The following SYT1 variants were observed in gnomAD, a reference collection of about 807,000 sequenced individuals.
SYT1 encodes synaptotagmin-1.
In SYT1, 8 loss-of-function variants were observed where a neutral mutation model predicts 44.8. The observed-to-expected ratio is 0.18, with a 90% CI of 0.10 to 0.32. The LOEUF (loss-of-function observed/expected upper bound fraction) is 0.32. Ranked by LOEUF, SYT1 falls within the 10% of genes least tolerant of loss-of-function variation. The pLI, the probability that SYT1 is intolerant of heterozygous loss-of-function variation, is 1.00. For missense variants in SYT1, 286 were observed against 509.3 expected, an observed-to-expected ratio of 0.56 and a Z score of 4.22; for synonymous variants, 154 against 188.8, an observed-to-expected ratio of 0.82 and a Z score of 1.51.
At chr12:79,223,797 G>A (rs1201646894) in intron 4 of SYT1, among the ~76,000 whole-genome samples, 1 of 152,208 alleles carries the variant, frequency 6.6e-6, no homozygotes, top group Admixed American at 6.5e-5. Flanking sequence ...TCAGTCACCA[G>A]TATAGGTCTT....
intron 3 of SYT1, among the ~76,000 whole-genome samples, chr12:79,063,154 T>G (rs1456534911): frequency 6.6e-6 from 1 of 152,218 alleles, no homozygotes; most frequent in Non-Finnish European, 1.5e-5. Context: ...GAGACCATCT[T>G]GAGGCTTTAG....
At chr12:78,905,646 T>C (rs950490556) in intron 1 of SYT1, among the ~76,000 whole-genome samples, 3 of 152,144 alleles carry the variant, frequency 2.0e-5, no homozygotes, top group Admixed American at 6.6e-5. Flanking sequence ...ATTTTGATTT[T>C]CTTACTGTTG....
rs182103443 is a variant in SYT1, at chr12:79,360,916, T to C, written c.928+7297T>C. Among the ~76,000 whole-genome samples the C allele has an allele frequency of 9.7e-4, 147 of 152,322 alleles. 2 individuals carry two copies. Among genetic ancestry groups the C allele is most frequent in the Admixed American group, 3.9e-3 (59 of 15,298 alleles). ...GTACAAGTTGGGACCCAGGCACAGT[T>C]ATCCACAGAATGGATAGAAATGCTC... is the stretch of plus-strand genomic sequence containing the variant. On this transcript the variant is annotated intron_variant, in intron 9 of 10. Transcript: ENST00000261205.
intron 9 of SYT1, chr12:79,392,212 A>G (rs1381043604): frequency 6.6e-6 from 1 of 152,226 alleles, no homozygotes; most frequent in Non-Finnish European, 1.5e-5. Context: ...ATGGCAATAT[A>G]CTTTGGGCAA....
intron 9 of SYT1, among the ~76,000 whole-genome samples, chr12:79,402,322 T>C (rs952722037): frequency 6.6e-6 from 1 of 152,178 alleles, no homozygotes; most frequent in East Asian, 1.9e-4. Context: ...TGTAAACTTG[T>C]GCAATTTCCC....
chr12:79,409,685 T>C (rs1053564886), intron 9 of SYT1, among the ~76,000 whole-genome samples: 2 of 152,128 alleles, frequency 1.3e-5, no homozygotes, highest in Non-Finnish European at 2.9e-5. Context: ...TTTTCTGCAC[T>C]CATTTGGCTT....
At chr12:79,318,147 A>G (rs1025417103) in intron 8 of SYT1, among the ~76,000 whole-genome samples, 2 of 152,210 alleles carry the variant, frequency 1.3e-5, no homozygotes, top group Non-Finnish European at 2.9e-5. Flanking sequence ...AATTTTAATT[A>G]CTTAGAAAGA....
At chr12:79,040,590 G>T (rs1873482441) in intron 2 of SYT1, among the ~76,000 whole-genome samples, 1 of 151,860 alleles carries the variant, frequency 6.6e-6, no homozygotes. Flanking sequence ...TCACTCTGAT[G>T]GTAGTTTCTT....
rs74110310 is a variant in SYT1, at chr12:79,272,670, G to A, written c.167-13117G>A. ...GTAGAATAGAGTAACTGAACGAGTA[G>A]TGAGGCATGGGAAAGCATGTGCTCA... On this transcript the variant is annotated intron_variant, in intron 4 of 10. Transcript: ENST00000261205. 4.0e-3 allele frequency among the ~76,000 whole-genome samples: 605 copies of A among 152,278 alleles called. 8 individuals are homozygous for A. Among genetic ancestry groups the A allele is most frequent in the African/African-American group, 0.014 (588 of 41,552 alleles).
At chr12:78,905,498 G>A (rs771410885) in intron 1 of SYT1, among the ~76,000 whole-genome samples, 45 of 152,098 alleles carry the variant, frequency 3.0e-4, no homozygotes, top group Non-Finnish European at 3.1e-4. Context: ...ACTAATATCA[G>A]CTTTACATTC....
intron 3 of SYT1, among the ~76,000 whole-genome samples, chr12:79,160,667 C>T (rs975845838): frequency 6.6e-5 from 10 of 151,918 alleles, no homozygotes; most frequent in African/African-American, 2.4e-4. Context: ...AAAGTGCTGC[C>T]AAGACATCAA....
At chr12:78,949,192 C>A (rs1248998498) in intron 1 of SYT1, among the ~76,000 whole-genome samples, 1 of 150,980 alleles carries the variant, frequency 6.6e-6, no homozygotes, top group African/African-American at 2.4e-5. Flanking sequence ...GAACCATAGG[C>A]AAAAAATACT....
In SYT1 at chr12:79,310,629, G is replaced by C. The variant is rs549472965; in HGVS notation, c.810+11078G>C. On this transcript the variant is annotated intron_variant, in intron 8 of 10. Transcript: ENST00000261205. ...GCAGTATGGCCATTTTCATGATATT[G>C]ATTCTTCCTACCCGTGAGCATGGAA... Among the ~76,000 whole-genome samples, 200 of 152,286 alleles carry C rather than the reference G, an allele frequency of 1.3e-3. 2 individuals are homozygous for C. The highest frequency in any genetic ancestry group is 4.4e-3 in the African/African-American group (182 of 41,552).
At chr12:79,075,693 C>G (rs1051957779) in intron 3 of SYT1, among the ~76,000 whole-genome samples, 1 of 152,094 alleles carries the variant, frequency 6.6e-6, no homozygotes, top group Non-Finnish European at 1.5e-5. Flanking sequence ...TGTGATACAA[C>G]TATTCATCAC....
chr12:78,995,989 T>C (rs530721012), intron 2 of SYT1: 5 of 152,304 alleles, frequency 3.3e-5, no homozygotes, highest in African/African-American at 1.2e-4. Context: ...CACTGTAGGA[T>C]CAAAAACTTG....
chr12:79,085,303 C>A (rs557137918), intron 3 of SYT1, among the ~76,000 whole-genome samples: 1 of 152,112 alleles, frequency 6.6e-6, no homozygotes, highest in African/African-American at 2.4e-5. Context: ...CCACTTGTGG[C>A]GTCATGTCTG....
chr12:79,306,888 C>G (rs1335096703), intron 8 of SYT1, among the ~76,000 whole-genome samples: 1 of 152,070 alleles, frequency 6.6e-6, no homozygotes, highest in Non-Finnish European at 1.5e-5. Context: ...TTGTTTACAT[C>G]TGGTTTTTCA....
intron 3 of SYT1, among the ~76,000 whole-genome samples, chr12:79,130,987 G>A (rs1031983422): frequency 2.0e-5 from 3 of 152,072 alleles, no homozygotes; most frequent in Admixed American, 6.6e-5. Context: ...GAAGTAAATT[G>A]TAATCCCACT....
intron 3 of SYT1, among the ~76,000 whole-genome samples, chr12:79,173,878 A>G (rs1313247378): frequency 6.6e-6 from 1 of 152,046 alleles, no homozygotes; most frequent in African/African-American, 2.4e-5. Flanking sequence ...TACAGTTAGC[A>G]AGTGCCGTAA....
Sources: gnomAD v4.1 joint callset for allele counts (sites outside exome capture counted in the v4.1 genomes callset) on GRCh38, gnomAD v4.1.1 for gene constraint, MANE v1.5 for transcripts, NCBI Gene and HGNC (gene_info 2026-07-23, HGNC 2026-07-21) for gene names.